GADL1: variants seen among roughly 807,000 people sequenced by gnomAD.
The protein encoded by GADL1 is acidic amino acid decarboxylase GADL1.
In GADL1, 71 loss-of-function variants were observed where a neutral mutation model predicts 69.5. The observed-to-expected ratio is 1.02, with a 90% CI of 0.84 to 1.25. The LOEUF (loss-of-function observed/expected upper bound fraction) is 1.25. Among genes scored for constraint, GADL1 ranks in the 50% most tolerant of loss-of-function variants. The probability of loss-of-function intolerance (pLI) is 0.00; values close to 1 mark genes in which losing one functional copy is unlikely to be tolerated. For synonymous variants in GADL1, 254 were observed against 214.4 expected, an observed-to-expected ratio of 1.18 and a Z score of -1.62; for missense variants, 737 against 631.8, an observed-to-expected ratio of 1.17 and a Z score of -1.79.
At chr3:30,769,312 C>T (rs1354452511) in intron 14 of GADL1, among the ~76,000 whole-genome samples, 2 of 151,918 alleles carry the variant, frequency 1.3e-5, no homozygotes, top group African/African-American at 4.9e-5. Flanking sequence ...TGTCTTGGTA[C>T]ATGGTGACAG....
chr3:30,869,478 T>A (rs1698450025), intron 1 of GADL1, among the ~76,000 whole-genome samples: 1 of 151,808 alleles, frequency 6.6e-6, no homozygotes, highest in Non-Finnish European at 1.5e-5. Context: ...GGCAACTTAG[T>A]CCCTGGATCT....
rs533439086 is a variant in GADL1, at chr3:30,854,656, C to G, written c.428+43G>C. 321 of 1,175,206 alleles carry G rather than the reference C, an allele frequency of 2.7e-4. 1 individual carries two copies. The highest frequency in any genetic ancestry group is 4.8e-5 in the Non-Finnish European group (39 of 811,144). The allele number at this position is 1,175,206 out of a possible 1,614,324, so 72.8% of individuals were successfully genotyped here. ...ATAAAATTTCATCTACTTAAAGTCT[C>G]TAATCCACGTTTGGTGTGAAATTTC... On this transcript the variant is annotated intron_variant, in intron 4 of 14. Transcript: ENST00000282538.
chr3:30,769,553 C>T lies in GADL1; in HGVS notation c.1392+8626G>A, dbSNP rs539629037. Among the ~76,000 whole-genome samples, 16 of 28,580 alleles carry T rather than the reference C, an allele frequency of 5.6e-4. 1 individual carries two copies. The South Asian group carries it at 0.037, about 66-fold the overall frequency. The allele number at this position is 28,580 out of a possible 152,430, so 18.7% of individuals were successfully genotyped here. On this transcript the variant is annotated intron_variant, in intron 14 of 14. Coordinates refer to ENST00000282538, the MANE Select transcript of GADL1 (RefSeq NM_207359.3). ...TCTCCTCTATGGTCTAATCATGGGC[C>T]AGCTTAGGCTACAAAGAACATCTAG... is the stretch of plus-strand genomic sequence containing the variant.
intron 1 of GADL1, among the ~76,000 whole-genome samples, chr3:30,892,130 TTGAATC>T (rs1239074840): frequency 6.6e-6 from 1 of 152,218 alleles, no homozygotes; most frequent in Non-Finnish European, 1.5e-5. Context: ...TAATGAAAAT[TTGAATC>T]TGATATAACT....
At chr3:30,733,812 G>A (rs1164212104) in intron 14 of GADL1, among the ~76,000 whole-genome samples, 1 of 152,192 alleles carries the variant, frequency 6.6e-6, no homozygotes, top group Non-Finnish European at 1.5e-5. Flanking sequence ...ATCAAGGGGA[G>A]AGCTTAAGTG....
intron 11 of GADL1, among the ~76,000 whole-genome samples, chr3:30,820,020 A>G (rs1384955214): frequency 6.6e-6 from 1 of 151,918 alleles, no homozygotes; most frequent in Non-Finnish European, 1.5e-5. Flanking sequence ...ATTTTTTTAA[A>G]GAAGTTTTAA....
intron 1 of GADL1, among the ~76,000 whole-genome samples, chr3:30,873,517 T>C (rs1375784129): frequency 6.6e-6 from 1 of 151,940 alleles, no homozygotes; most frequent in Non-Finnish European, 1.5e-5. Context: ...ACATATTGCT[T>C]TCTGTGTCTT....
intron 1 of GADL1, among the ~76,000 whole-genome samples, chr3:30,879,536 C>T (rs952650309): frequency 6.6e-6 from 1 of 151,896 alleles, no homozygotes; most frequent in African/African-American, 2.4e-5. Flanking sequence ...TGATAAAGGC[C>T]TATGTTGTTG....
intron 11 of GADL1, among the ~76,000 whole-genome samples, chr3:30,828,652 C>G (rs1402618416): frequency 6.6e-6 from 1 of 151,778 alleles, no homozygotes; most frequent in Non-Finnish European, 1.5e-5. Flanking sequence ...TATAAAATGT[C>G]AATAGATAAA....
At chr3:30,809,103 T>C (rs562100337) in intron 11 of GADL1, among the ~76,000 whole-genome samples, 1 of 152,338 alleles carries the variant, frequency 6.6e-6, no homozygotes, top group Non-Finnish European at 1.5e-5. Flanking sequence ...CTACTCACAA[T>C]ATTTCTGCAT....
At chr3:30,758,402 G>GT (rs1349758413) in intron 14 of GADL1, among the ~76,000 whole-genome samples, 1 of 92,548 alleles carries the variant, frequency 1.1e-5, no homozygotes, top group Non-Finnish European at 2.2e-5. Flanking sequence ...ACTTTGCTCC[G>GT]TATTGCCTTT....
Position 30,795,109 on chromosome 3 carries a change from A to T in GADL1, c.1250+5780T>A, listed in dbSNP as rs1395074370. Among the ~76,000 whole-genome samples, 3 of 152,190 alleles carry T rather than the reference A, an allele frequency of 2.0e-5. No individual in the cohort carries two copies. The East Asian group carries it at 5.8e-4, about 29-fold the overall frequency. ...TACTTTGCTGGAGTTATCTACTGAA[A>T]GAAGTTACGCTTCTTGGAAACAAAA... On this transcript the variant is annotated intron_variant, in intron 12 of 14. Coordinates refer to ENST00000282538, the MANE Select transcript of GADL1 (RefSeq NM_207359.3).
rs767038310 is a variant in GADL1, at chr3:30,844,268, A to G, written c.732-4T>C. 2.5e-6 allele frequency: 4 copies of G among 1,610,644 alleles called. No homozygotes were observed. The South Asian group carries it at 4.4e-5, about 18-fold the overall frequency. ...TTCCTCAGGTATCATTTTACCTCTAAGGGACAAAGATTTGAGACTTTCAGT... is the reference window on the plus strand; with the variant it reads ...TTCCTCAGGTATCATTTTACCTCTAGGGGACAAAGATTTGAGACTTTCAGT... On this transcript the variant is annotated splice_polypyrimidine_tract_variant and splice_region_variant and intron_variant, in intron 7 of 14. Coordinates refer to ENST00000282538, the MANE Select transcript of GADL1 (RefSeq NM_207359.3).
intron 6 of GADL1, among the ~76,000 whole-genome samples, chr3:30,848,831 T>C (rs1211225689): frequency 6.6e-6 from 1 of 152,186 alleles, no homozygotes; most frequent in East Asian, 1.9e-4. Context: ...TTGCCAAAAC[T>C]CACTAATCAG....
chr3:30,890,145 G>C (rs181278866), intron 1 of GADL1, among the ~76,000 whole-genome samples: 30 of 152,272 alleles, frequency 2.0e-4, no homozygotes, highest in African/African-American at 7.0e-4. Flanking sequence ...ATTACAAACA[G>C]CTTCAAGGAG....
chr3:30,779,332 C>T (rs539385003), intron 13 of GADL1, among the ~76,000 whole-genome samples: 1 of 152,198 alleles, frequency 6.6e-6, no homozygotes, highest in Non-Finnish European at 1.5e-5. Context: ...CTGCCATAAA[C>T]AGTTTGTAAT....
At chr3:30,879,984 C>G (rs555490688) in intron 1 of GADL1, among the ~76,000 whole-genome samples, 1 of 151,822 alleles carries the variant, frequency 6.6e-6, no homozygotes, top group African/African-American at 2.4e-5. Flanking sequence ...ATTCTACTTA[C>G]AAAGATCAGA....
chr3:30,744,920 A>G (rs987603656), intron 14 of GADL1, among the ~76,000 whole-genome samples: 1 of 152,242 alleles, frequency 6.6e-6, no homozygotes, highest in African/African-American at 2.4e-5. Flanking sequence ...GTAGAATAAG[A>G]AACACGAACA....
intron 12 of GADL1, among the ~76,000 whole-genome samples, chr3:30,792,696 CCT>C (rs1258804381): frequency 6.6e-5 from 10 of 152,150 alleles, no homozygotes; most frequent in Admixed American, 6.5e-5. Context: ...AGGGAGGTTT[CCT>C]CTCATGTTCA....
Sources: gnomAD v4.1 joint callset for allele counts (sites outside exome capture counted in the v4.1 genomes callset) on GRCh38, gnomAD v4.1.1 for gene constraint, MANE v1.5 for transcripts, NCBI Gene and HGNC (gene_info 2026-07-23, HGNC 2026-07-21) for gene names.